The following IFTAP variants were observed in gnomAD, a reference collection of about 807,000 sequenced individuals.
IFTAP encodes intraflagellar transport associated protein.
In IFTAP, 19 loss-of-function variants were observed where a neutral mutation model predicts 19.4. The ratio of observed to expected loss-of-function variants is 0.98; its 90% CI spans 0.68 to 1.44. IFTAP has a LOEUF of 1.44. IFTAP is among the 40% of genes most tolerant of loss of function. The pLI, the probability that IFTAP is intolerant of heterozygous loss-of-function variation, is 0.00. For synonymous variants in IFTAP, 85 were observed against 83.5 expected (o/e 1.02, Z -0.10); for missense variants, 240 against 253.6 (o/e 0.95, Z 0.36).
chr11:36,633,526 A>G, intron 3 of IFTAP, 88 bp downstream of exon 3: 1 of 1,060,888 alleles, frequency 9.4e-7, no homozygotes. Context: ...ACTAAACACT[A>G]GACAGTTATT....
At chr11:36,646,075 T>C (rs549824314) in intron 4 of IFTAP, among the ~76,000 whole-genome samples, 3 of 152,322 alleles carry the variant, frequency 2.0e-5, no homozygotes, top group East Asian at 3.9e-4. Flanking sequence ...ATTGTTCCCA[T>C]GGCAGTAGAA....
intron 2 of IFTAP, among the ~76,000 whole-genome samples, chr11:36,622,728 G>A (rs963284530): frequency 1.3e-4 from 20 of 152,170 alleles, no homozygotes; most frequent in Non-Finnish European, 5.9e-5. Flanking sequence ...TTTTATGATT[G>A]GGGTTCTATT....
chr11:36,624,001 A>G (rs1182534200), intron 2 of IFTAP, among the ~76,000 whole-genome samples: 1 of 150,354 alleles, frequency 6.7e-6, no homozygotes, highest in Non-Finnish European at 1.5e-5. Context: ...GTGTGTATAT[A>G]TATATTTTTT....
chr11:36,627,037 A>G (rs1274137897), intron 2 of IFTAP, among the ~76,000 whole-genome samples: 1 of 151,374 alleles, frequency 6.6e-6, no homozygotes, highest in Non-Finnish European at 1.5e-5. Flanking sequence ...GCATACTCCA[A>G]CAGACAAACT....
intron 2 of IFTAP, among the ~76,000 whole-genome samples, chr11:36,616,464 C>T (rs368623898): frequency 6.6e-6 from 1 of 151,864 alleles, no homozygotes; most frequent in African/African-American, 2.4e-5. Flanking sequence ...ATTGACTTTC[C>T]TATTAGGTAG....
At chr11:36,624,268 C>A (rs1466161038) in intron 2 of IFTAP, among the ~76,000 whole-genome samples, 1 of 152,068 alleles carries the variant, frequency 6.6e-6, no homozygotes, top group African/African-American at 2.4e-5. Context: ...CTTTCTATAG[C>A]AGTAGAATTT....
At chr11:36,640,085 C>G (rs950639759) in intron 4 of IFTAP, among the ~76,000 whole-genome samples, 1 of 152,074 alleles carries the variant, frequency 6.6e-6, no homozygotes, top group Non-Finnish European at 1.5e-5. Flanking sequence ...TCTAGCTTTT[C>G]TAGTTGTTGA....
At chr11:36,623,591 G>A (rs190655985) in intron 2 of IFTAP, among the ~76,000 whole-genome samples, 3 of 152,272 alleles carry the variant, frequency 2.0e-5, no homozygotes, top group Admixed American at 6.5e-5. Flanking sequence ...AAGTCTGAAG[G>A]ATTGTAGTGC....
chr11:36,636,336 A>T (rs1158824540), intron 4 of IFTAP, among the ~76,000 whole-genome samples: 2 of 152,212 alleles, frequency 1.3e-5, no homozygotes, highest in Non-Finnish European at 2.9e-5. Context: ...TGAAATAAAG[A>T]TGTGCTCTCC....
intron 3 of IFTAP, among the ~76,000 whole-genome samples, chr11:36,635,631 G>A (rs553039827): frequency 5.3e-5 from 8 of 152,190 alleles, no homozygotes; most frequent in African/African-American, 1.9e-4. Flanking sequence ...CAGAAAGCAC[G>A]GTGTTATGAC....
intron 2 of IFTAP, among the ~76,000 whole-genome samples, chr11:36,611,977 C>T (rs1851894209): frequency 6.6e-6 from 1 of 152,000 alleles, no homozygotes; most frequent in East Asian, 1.9e-4. Context: ...TTTTGGTATG[C>T]TAATGACATT....
intron 4 of IFTAP, among the ~76,000 whole-genome samples, chr11:36,642,167 A>G (rs981270858): frequency 6.6e-6 from 1 of 152,226 alleles, no homozygotes; most frequent in Non-Finnish European, 1.5e-5. Flanking sequence ...AAAAATGATA[A>G]AGGGGATATC....
At chr11:36,603,727 GC>G (rs1389210605) in intron 1 of IFTAP, among the ~76,000 whole-genome samples, 1 of 152,092 alleles carries the variant, frequency 6.6e-6, no homozygotes, top group Non-Finnish European at 1.5e-5. Flanking sequence ...TTTGAGACCA[GC>G]CTGGCCAACA....
chr11:36,631,998 T>G (rs1174741984), intron 2 of IFTAP, among the ~76,000 whole-genome samples: 1 of 151,210 alleles, frequency 6.6e-6, no homozygotes, highest in Non-Finnish European at 1.5e-5. Flanking sequence ...TTCTTTTCAT[T>G]TACTGCATTA....
At chr11:36,605,135 T>C (rs1236385775) in intron 1 of IFTAP, among the ~76,000 whole-genome samples, 1 of 152,082 alleles carries the variant, frequency 6.6e-6, no homozygotes, top group Admixed American at 6.6e-5. Context: ...TTTATTTCCT[T>C]AGGCAAAGTG....
chr11:36,648,177 C>A (rs1300972545), intron 5 of IFTAP, 22 bp downstream of exon 5: 2 of 1,608,556 alleles, frequency 1.2e-6, no homozygotes, highest in South Asian at 1.1e-5. Flanking sequence ...GGAATTCAGT[C>A]ATTCTCCACA....
intron 2 of IFTAP, among the ~76,000 whole-genome samples, chr11:36,629,972 G>A (rs775940667): frequency 3.3e-5 from 5 of 151,222 alleles, no homozygotes; most frequent in African/African-American, 7.4e-5. Flanking sequence ...TTTCTAAACC[G>A]TATTATGTCT....
chr11:36,622,291 A>G (rs1370974452), intron 2 of IFTAP, among the ~76,000 whole-genome samples: 1 of 152,062 alleles, frequency 6.6e-6, no homozygotes, highest in Non-Finnish European at 1.5e-5. Flanking sequence ...TTTACTTTTT[A>G]AAAAAGAGGG....
At chr11:36,633,155 A>G (rs556779357) in intron 2 of IFTAP, 129 bp from the exon 3 acceptor site, 1 of 778,006 alleles carries the variant, frequency 1.3e-6, no homozygotes, top group Non-Finnish European at 1.9e-6. Flanking sequence ...TTAATGCCTC[A>G]AGGGTTCGGT....
Sources: allele counts gnomAD v4.1 joint callset (sites outside exome capture counted in the v4.1 genomes callset), GRCh38; gene constraint gnomAD v4.1.1; transcripts MANE v1.5; gene names NCBI Gene and HGNC (gene_info 2026-07-23, HGNC 2026-07-21).